CEP85L: variants seen among roughly 807,000 people sequenced by gnomAD.
CEP85L encodes the protein centrosomal protein 85L.
CEP85L carries 60 observed loss-of-function variants against 100.3 expected under a neutral mutation model. That is an observed-to-expected ratio of 0.60 (90% CI 0.49 to 0.74). The LOEUF is 0.74. Among genes scored for constraint, CEP85L ranks in the 30% least tolerant of loss-of-function variants. The pLI, the probability that CEP85L is intolerant of heterozygous loss-of-function variation, is 0.00. For synonymous variants in CEP85L, 319 were observed against 322.7 expected (o/e 0.99, Z 0.12); for missense variants, 973 against 936.2 (o/e 1.04, Z -0.51).
chr6:118,691,661 C>A (rs978339664), intron 1 of CEP85L, among the ~76,000 whole-genome samples: 1 of 151,740 alleles, frequency 6.6e-6, no homozygotes, highest in Non-Finnish European at 1.5e-5. Context: ...ATCCCTTGAA[C>A]CCCGGAGGCG....
intron 3 of CEP85L, among the ~76,000 whole-genome samples, chr6:118,531,642 T>C (rs939117543): frequency 2.6e-5 from 4 of 151,840 alleles, no homozygotes; most frequent in Admixed American, 1.3e-4. Flanking sequence ...CCACAATCTA[T>C]AAGGAACTTA....
At chr6:118,652,551 G>A, upstream of CEP85L, 1 of 1,422,396 alleles carries the variant, frequency 7.0e-7, no homozygotes, top group South Asian at 1.5e-5. Context: ...CTTAACTAGA[G>A]AGGCTTTGAG....
At chr6:118,590,041 A>G (rs1345044871) in intron 2 of CEP85L, among the ~76,000 whole-genome samples, 7 of 150,378 alleles carry the variant, frequency 4.7e-5, no homozygotes, top group Non-Finnish European at 1.0e-4. Flanking sequence ...TTTTCTCTGC[A>G]TTTACACACA....
At chr6:118,585,744 A>G (rs1362225495) in intron 2 of CEP85L, among the ~76,000 whole-genome samples, 1 of 152,226 alleles carries the variant, frequency 6.6e-6, no homozygotes, top group Non-Finnish European at 1.5e-5. Flanking sequence ...ACTAAAAACA[A>G]TCAAGCAAGT....
chr6:118,523,769 C>T (rs750522075), intron 4 of CEP85L, 33 bp downstream of exon 4: 4 of 1,009,772 alleles, frequency 4.0e-6, no homozygotes, highest in East Asian at 5.0e-5. Flanking sequence ...TTTCTGTAGG[C>T]CTGAAATATT....
intron 2 of CEP85L, among the ~76,000 whole-genome samples, chr6:118,607,098 A>G (rs997594663): frequency 1.3e-5 from 2 of 152,126 alleles, no homozygotes; most frequent in African/African-American, 4.8e-5. Flanking sequence ...GGCCAGAGCA[A>G]AGTCCATGTG....
chr6:118,494,124 A>G lies in CEP85L; in HGVS notation c.1258-2259T>C, dbSNP rs942102940. ...AGGTTCATAACCTAATAAAGCAAAA[A>G]CCCATTAGTAGAAGAGCCAGGGTGG... On this transcript the variant is annotated intron_variant, in intron 5 of 12. Coordinates refer to ENST00000368491, the MANE Select transcript of CEP85L (RefSeq NM_001042475.3). 2.0e-5 allele frequency among the ~76,000 whole-genome samples: 3 copies of G among 152,148 alleles called. No individual in the cohort carries two copies. In the East Asian group the frequency reaches 5.8e-4, roughly 29 times the overall value.
intron 3 of CEP85L, among the ~76,000 whole-genome samples, chr6:118,544,966 G>A (rs1320180055): frequency 6.6e-6 from 1 of 152,010 alleles, no homozygotes; most frequent in Non-Finnish European, 1.5e-5. Flanking sequence ...TAAAATTTAA[G>A]GCAGTAATTA....
chr6:118,598,538 GGAA>G (rs1163710263), intron 2 of CEP85L, among the ~76,000 whole-genome samples: 4 of 152,088 alleles, frequency 2.6e-5, no homozygotes, highest in African/African-American at 7.2e-5. Context: ...GAAAGCTCAG[GGAA>G]GAAGGACATG....
At chr6:118,556,710 AT>A (rs1184807420) in intron 3 of CEP85L, among the ~76,000 whole-genome samples, 1 of 152,198 alleles carries the variant, frequency 6.6e-6, no homozygotes, top group Non-Finnish European at 1.5e-5. Flanking sequence ...ATTAACAATA[AT>A]ATATCAACAA....
chr6:118,497,331 G>A (rs566462653), intron 5 of CEP85L, among the ~76,000 whole-genome samples: 4 of 152,148 alleles, frequency 2.6e-5, no homozygotes, highest in African/African-American at 4.8e-5. Flanking sequence ...CAATGATAGC[G>A]ACCAAAATGA....
intron 1 of CEP85L, among the ~76,000 whole-genome samples, chr6:118,703,880 CA>C: frequency 6.6e-6 from 1 of 152,232 alleles, no homozygotes; most frequent in East Asian, 1.9e-4. Flanking sequence ...ATATGTACAT[CA>C]TATTCTAATG....
intron 3 of CEP85L, chr6:118,558,804 T>A: frequency 1.3e-6 from 1 of 743,034 alleles, no homozygotes; most frequent in Non-Finnish European, 2.4e-6. Context: ...TTCTAATCCA[T>A]TTATTATTTT....
At chr6:118,514,693 C>A (rs1485452170) in intron 4 of CEP85L, among the ~76,000 whole-genome samples, 1 of 151,858 alleles carries the variant, frequency 6.6e-6, no homozygotes, top group Non-Finnish European at 1.5e-5. Flanking sequence ...AGAAAGAAAA[C>A]CATTCTGAAC....
At chr6:118,572,272 TAAAAAA>T (rs572307069) in intron 2 of CEP85L, among the ~76,000 whole-genome samples, 8 of 107,644 alleles carry the variant, frequency 7.4e-5, no homozygotes, top group Non-Finnish European at 1.5e-4. Flanking sequence ...ACCCATTCTT[TAAAAAA>T]AAAAAAAAAA....
intron 1 of CEP85L, among the ~76,000 whole-genome samples, chr6:118,690,228 G>A (rs1301298258): frequency 6.6e-6 from 1 of 152,112 alleles, no homozygotes; most frequent in Non-Finnish European, 1.5e-5. Flanking sequence ...AAACAATCTT[G>A]TAATTTATGA....
chr6:118,626,603 G>C (rs981048643), intron 2 of CEP85L, among the ~76,000 whole-genome samples: 3 of 152,118 alleles, frequency 2.0e-5, no homozygotes, highest in Non-Finnish European at 4.4e-5. Context: ...CCGCCTTAAA[G>C]AGTTTAAAAG....
chr6:118,600,274 ACTGCCTGTCCCTGAGCCTT>A (rs1781660583), intron 2 of CEP85L, among the ~76,000 whole-genome samples: 1 of 108,408 alleles, frequency 9.2e-6, no homozygotes, highest in South Asian at 3.4e-4. Context: ...CAAACCTAGT[ACTGCCTGTCCCTGAGCCTT>A]CCTGGGGGTG....
At chr6:118,642,689 G>C (rs572976599) in intron 1 of CEP85L, among the ~76,000 whole-genome samples, 2 of 152,206 alleles carry the variant, frequency 1.3e-5, no homozygotes, top group Non-Finnish European at 2.9e-5. Flanking sequence ...TGAGCAGGGT[G>C]GATCACCTAA....
Sources: allele counts gnomAD v4.1 joint callset (sites outside exome capture counted in the v4.1 genomes callset), GRCh38; gene constraint gnomAD v4.1.1; transcripts MANE v1.5; gene names NCBI Gene and HGNC (gene_info 2026-07-23, HGNC 2026-07-21).